The following GPR83 variants were observed in gnomAD, a reference collection of about 807,000 sequenced individuals.
GPR83 encodes the protein G-protein coupled receptor 72.
A neutral mutation model predicts 28.0 loss-of-function variants in GPR83; 23 were observed. That is an observed-to-expected ratio of 0.82 (90% CI 0.59 to 1.16). The LOEUF (loss-of-function observed/expected upper bound fraction) is 1.16, where lower values mean the gene tolerates loss of function less well. GPR83 is among the 50% of genes most tolerant of loss of function. GPR83 has a pLI of 0.00. For synonymous variants in GPR83, 234 were observed against 215.4 expected (o/e 1.09, Z -0.76); for missense variants, 610 against 536.6 (o/e 1.14, Z -1.35).
intron 3 of GPR83, among the ~76,000 whole-genome samples, chr11:94,389,609 A>G (rs1944794755): frequency 6.6e-6 from 1 of 152,220 alleles, no homozygotes; most frequent in Non-Finnish European, 1.5e-5. Flanking sequence ...GCAAATCAAA[A>G]CCACAATGAG....
chr11:94,396,347 G>A, intron 2 of GPR83, 52 bp downstream of exon 2: 1 of 1,585,840 alleles, frequency 6.3e-7, no homozygotes, highest in Non-Finnish European at 8.6e-7. Context: ...CAACTTCCAG[G>A]AAAGGGAAGC....
chr11:94,380,129 CTCCCTCT>C lies in GPR83; in HGVS notation c.*13_*19del. The C allele has an allele frequency of 1.3e-6, 2 of 1,501,164 alleles. No homozygotes were observed. The highest frequency in any genetic ancestry group is 1.8e-6 in the Non-Finnish European group (2 of 1,124,708). The allele number at this position is 1,501,164 out of a possible 1,614,324, so 93.0% of individuals were successfully genotyped here. A position where few individuals can be genotyped will look rare whatever the true frequency, so the allele number is the denominator to read the frequency against. ...CTCAGGTGGAGACAGACCCCTCCCACTCCCTCTTCCCAACCTCTTCTAACTCATCGTC... is the reference window on the plus strand; with the variant it reads ...CTCAGGTGGAGACAGACCCCTCCCACTCCCAACCTCTTCTAACTCATCGTC... On this transcript the variant is annotated 3_prime_UTR_variant, in exon 4 of 4. Transcript: ENST00000243673.
chr11:94,396,773 T>C (rs1184544331), intron 1 of GPR83, among the ~76,000 whole-genome samples: 1 of 151,798 alleles, frequency 6.6e-6, no homozygotes, highest in Non-Finnish European at 1.5e-5. Flanking sequence ...CTGGGAAGGA[T>C]GTGTGCTATG....
chr11:94,378,137 T>C lies in GPR83; in HGVS notation c.*2012A>G, dbSNP rs906562432. 6.6e-6 allele frequency: 1 copy of C among 152,212 alleles called. No individual in the cohort carries two copies. The highest frequency in any genetic ancestry group is 2.4e-5 in the African/African-American group (1 of 41,446). The allele number at this position is 152,212 out of a possible 1,614,324, so 9.4% of individuals were successfully genotyped here. On this transcript the variant is annotated 3_prime_UTR_variant, in exon 4 of 4. Coordinates refer to ENST00000243673, the MANE Select transcript of GPR83 (RefSeq NM_016540.4). ...GGCTTAGAAGACTCTGTCTGCCCAA[T>C]GAAAGTCATGGTTTTGCCCATAATT...
rs1944668151 is a variant in GPR83, at chr11:94,379,975, T to C, written c.*174A>G. 2.2e-6 allele frequency: 1 copy of C among 454,494 alleles called. No homozygotes were observed. Among genetic ancestry groups the C allele is most frequent in the Admixed American group, 3.8e-5 (1 of 26,272 alleles). 28.2% of individuals were successfully genotyped at this position (454,494 alleles called of 1,614,324 possible). A position where few individuals can be genotyped will look rare whatever the true frequency, so the allele number is the denominator to read the frequency against. ...CACATGTCTAGTTGGTGGTGCCTTT[T>C]AGTTTTCACATCACATGGGGCTAGG... is the stretch of plus-strand genomic sequence containing the variant. On this transcript the variant is annotated 3_prime_UTR_variant, in exon 4 of 4. Coordinates refer to ENST00000243673, the MANE Select transcript of GPR83 (RefSeq NM_016540.4).
chr11:94,388,095 G>T (rs1327655463), intron 3 of GPR83, among the ~76,000 whole-genome samples: 2 of 152,178 alleles, frequency 1.3e-5, no homozygotes, highest in Admixed American at 1.3e-4. Context: ...CTCAATAGAT[G>T]CAGAAAAGGC....
In GPR83 at chr11:94,380,786, A is replaced by G. The variant is rs773573423; in HGVS notation, c.648-13T>C. On this transcript the variant is annotated splice_polypyrimidine_tract_variant and intron_variant, in intron 3 of 3. Coordinates refer to ENST00000243673, the MANE Select transcript of GPR83 (RefSeq NM_016540.4). The stretch of plus-strand genomic sequence containing the variant: ...CACAATGTCCTCACTGGGGGCAGGA[A>G]GTGGGGAGGGGGAGAGAGGTAACAG... 1.9e-6 allele frequency: 3 copies of G among 1,573,470 alleles called. No homozygotes were observed. The highest frequency in any genetic ancestry group is 2.2e-5 in the South Asian group (2 of 89,130).
intron 3 of GPR83, among the ~76,000 whole-genome samples, chr11:94,385,862 T>G (rs995753339): frequency 1.3e-5 from 2 of 152,166 alleles, no homozygotes; most frequent in African/African-American, 4.8e-5. Context: ...ACAAAAGTAC[T>G]GCTCAAGAAG....
chr11:94,394,566 G>T (rs930376702), intron 2 of GPR83, among the ~76,000 whole-genome samples: 1 of 152,210 alleles, frequency 6.6e-6, no homozygotes, highest in African/African-American at 2.4e-5. Context: ...AGGTCAGGAA[G>T]AGCTGGCACC....
chr11:94,396,653 T>C, intron 1 of GPR83, 129 bp from the exon 2 acceptor site: 1 of 832,464 alleles, frequency 1.2e-6, no homozygotes, highest in Non-Finnish European at 1.9e-6. Flanking sequence ...TCTATGATAC[T>C]GAATTGTGGA....
In GPR83 at chr11:94,399,186, G is replaced by A. The variant is rs1020586393; in HGVS notation, c.387+1675C>T. On this transcript the variant is annotated intron_variant, in intron 1 of 3. Transcript: ENST00000243673. ...TGTAGATTCTCAGGTCAGAAACCAA[G>A]GGAGGCGCCAACGGGTGACAGGGAT... 7.2e-5 allele frequency among the ~76,000 whole-genome samples: 11 copies of A among 152,300 alleles called. No individual in the cohort carries two copies. The South Asian group carries it at 2.1e-3, about 29-fold the overall frequency.
Position 94,377,860 on chromosome 11 carries a change from T to G in GPR83, c.*2289A>C, listed in dbSNP as rs896008323. 1 of 152,172 alleles carries G rather than the reference T, an allele frequency of 6.6e-6. No homozygotes were observed. The highest frequency in any genetic ancestry group is 2.4e-5 in the African/African-American group (1 of 41,438). The allele number at this position is 152,172 out of a possible 1,614,324, so 9.4% of individuals were successfully genotyped here. A position where few individuals can be genotyped will look rare whatever the true frequency, so the allele number is the denominator to read the frequency against. On this transcript the variant is annotated 3_prime_UTR_variant, in exon 4 of 4. Transcript: ENST00000243673. ...CCAATATTTTGGACTTACGATGGGT[T>G]TATTGAGATGTAAGTCAAGGAGCTT...
intron 3 of GPR83, among the ~76,000 whole-genome samples, chr11:94,381,715 G>T (rs1371491833): frequency 6.6e-6 from 1 of 152,062 alleles, no homozygotes; most frequent in Admixed American, 6.6e-5. Flanking sequence ...CTCCCCTAAG[G>T]CCACTCAAGG....
chr11:94,388,423 C>A (rs1944781388), intron 3 of GPR83, among the ~76,000 whole-genome samples: 1 of 152,116 alleles, frequency 6.6e-6, no homozygotes, highest in Admixed American at 6.6e-5. Context: ...TCTAGAAAAC[C>A]CCATCATCTC....
chr11:94,387,223 C>G (rs1944767995), intron 3 of GPR83, among the ~76,000 whole-genome samples: 1 of 152,116 alleles, frequency 6.6e-6, no homozygotes, highest in Non-Finnish European at 1.5e-5. Flanking sequence ...CAAGGGAAAC[C>G]AGGAAAGATC....
At chr11:94,387,978 G>A (rs1037011540) in intron 3 of GPR83, among the ~76,000 whole-genome samples, 2 of 152,178 alleles carry the variant, frequency 1.3e-5, no homozygotes, top group Non-Finnish European at 2.9e-5. Flanking sequence ...TATCCACCAT[G>A]ATCAAGTGGG....
At chr11:94,385,592 G>A (rs1399658176) in intron 3 of GPR83, among the ~76,000 whole-genome samples, 1 of 152,184 alleles carries the variant, frequency 6.6e-6, no homozygotes, top group African/African-American at 2.4e-5. Context: ...GGAAGAAAGG[G>A]TATCAGTGAT....
In GPR83 at chr11:94,396,401, G is replaced by T; in HGVS notation, c.511C>A (p.Gln171Lys). Residue 171 changes from glutamine to lysine, a missense_variant and splice_region_variant, in exon 2 of 4, where the codon CAG becomes AAG. Transcript: ENST00000243673. ...GCATTAGGGGTAGGTGCCCTCACCTGGTGGCGATCCACCGCAATGGCTGTC... is the reference window on the plus strand; with the variant it reads ...GCATTAGGGGTAGGTGCCCTCACCTTGTGGCGATCCACCGCAATGGCTGTC... ...TLTAIAVDRHQVIMHPLKPRI... is the reference protein window; with the variant it reads ...TLTAIAVDRHKVIMHPLKPRI... 1.2e-6 allele frequency: 2 copies of T among 1,613,474 alleles called. No individual in the cohort carries two copies. Among genetic ancestry groups the T allele is most frequent in the Non-Finnish European group, 1.7e-6 (2 of 1,179,646 alleles).
chr11:94,383,366 G>T (rs1042787604), intron 3 of GPR83, among the ~76,000 whole-genome samples: 2 of 152,056 alleles, frequency 1.3e-5, no homozygotes, highest in African/African-American at 4.8e-5. Context: ...AGCACTAAGT[G>T]CCCACAAGAG....
Sources: allele counts gnomAD v4.1 joint callset (sites outside exome capture counted in the v4.1 genomes callset), GRCh38; gene constraint gnomAD v4.1.1; transcripts MANE v1.5; gene names NCBI Gene and HGNC (gene_info 2026-07-23, HGNC 2026-07-21).